The following VAV3 variants were observed in gnomAD, a reference collection of about 807,000 sequenced individuals.
VAV3 encodes the protein vav guanine nucleotide exchange factor 3.
VAV3 carries 94 observed loss-of-function variants against 131.2 expected under a neutral mutation model. The observed-to-expected ratio is 0.72, with a 90% CI of 0.61 to 0.85. The LOEUF (loss-of-function observed/expected upper bound fraction) is 0.85, where lower values mean the gene tolerates loss of function less well. Among genes scored for constraint, VAV3 ranks in the 40% least tolerant of loss-of-function variants. VAV3 has a pLI of 0.00. For missense variants in VAV3, 939 were observed against 1,002.7 expected (o/e 0.94, Z 0.86); for synonymous variants, 349 against 342.0 (o/e 1.02, Z -0.22).
intron 1 of VAV3, among the ~76,000 whole-genome samples, chr1:107,935,637 T>C (rs1039233478): frequency 8.5e-5 from 13 of 152,176 alleles, no homozygotes; most frequent in Admixed American, 7.9e-4. Context: ...ATCCGTGACC[T>C]GAATAAGTTC....
intron 2 of VAV3, among the ~76,000 whole-genome samples, chr1:107,786,930 G>A (rs17235955): frequency 0.31 from 46,418 of 151,956 alleles, 7,706 homozygotes; most frequent in Non-Finnish European, 0.37. Flanking sequence ...CCCTTTGAGA[G>A]TATGATGAAA....
Position 107,596,320 on chromosome 1 carries a change from G to C in VAV3, c.2242C>G (p.His748Asp). ...CTGAACCCTTCCTTGAGAGAATGAT[G>C]CTTGTAGTACTCCACAAGTTCCTTT... ...SLMELVEYYKHHSLKEGFRTL... is the reference protein window; with the variant it reads ...SLMELVEYYKDHSLKEGFRTL... Residue 748 changes from histidine to aspartate, a missense_variant, in exon 25 of 27, where the codon CAT becomes GAT. Physicochemically the swap from His to Asp is moderately conservative, Grantham distance 81. Transcript: ENST00000370056. 1 of 1,613,248 alleles carries C rather than the reference G, an allele frequency of 6.2e-7. No homozygotes were observed. The highest frequency in any genetic ancestry group is 8.5e-7 in the Non-Finnish European group (1 of 1,179,408).
intron 1 of VAV3, among the ~76,000 whole-genome samples, chr1:107,913,373 CAG>C (rs1672457685): frequency 6.6e-6 from 1 of 152,160 alleles, no homozygotes; most frequent in Admixed American, 6.5e-5. Context: ...CCATTGTGCC[CAG>C]AGTGTATACA....
At chr1:107,811,320 A>C (rs1392544387) in intron 2 of VAV3, among the ~76,000 whole-genome samples, 1 of 145,236 alleles carries the variant, frequency 6.9e-6, no homozygotes, top group Admixed American at 6.8e-5. Context: ...GAGCTTGACC[A>C]CCAGATCTGC....
At chr1:107,653,295 T>G (rs1410017212) in intron 19 of VAV3, among the ~76,000 whole-genome samples, 1 of 151,798 alleles carries the variant, frequency 6.6e-6, no homozygotes, top group Non-Finnish European at 1.5e-5. Flanking sequence ...TCAACATATC[T>G]ACAGAAAAAT....
At chr1:107,929,676 T>C (rs1438538761) in intron 1 of VAV3, among the ~76,000 whole-genome samples, 1 of 151,950 alleles carries the variant, frequency 6.6e-6, no homozygotes, top group Non-Finnish European at 1.5e-5. Flanking sequence ...AGTTAAAAAG[T>C]GGAGGGACGA....
chr1:107,758,599 C>T (rs867884323), intron 10 of VAV3, among the ~76,000 whole-genome samples: 6 of 152,108 alleles, frequency 3.9e-5, no homozygotes, highest in African/African-American at 1.4e-4. Flanking sequence ...TCATAATGAG[C>T]TTCTGATCGG....
At chr1:107,882,760 A>C (rs1670843698) in intron 1 of VAV3, among the ~76,000 whole-genome samples, 1 of 152,210 alleles carries the variant, frequency 6.6e-6, no homozygotes, top group African/African-American at 2.4e-5. Context: ...AGTGGGTCCC[A>C]ACAGAAGGGG....
At chr1:107,586,146 T>A (rs1650472480) in intron 25 of VAV3, among the ~76,000 whole-genome samples, 1 of 152,004 alleles carries the variant, frequency 6.6e-6, no homozygotes, top group Non-Finnish European at 1.5e-5. Flanking sequence ...ATAGTTTTTT[T>A]TTTTTTTTTT....
Position 107,772,765 on chromosome 1 carries a change from G to A in VAV3, c.525C>T (p.Asp175=). 6.2e-7 allele frequency: 1 copy of A among 1,613,700 alleles called. No homozygotes were observed. Among genetic ancestry groups the A allele is most frequent in the Non-Finnish European group, 8.5e-7 (1 of 1,179,808 alleles). ...GEDEGGEVYE[D]LMKAEEAHQP... ...GATGTGCTTCCTCTGCCTTCATTAA[G>A]TCCTCATAGACTTCTCCACCTTCAT... The change falls in exon 5 of 27, where the codon GAC becomes GAT. Residue 175 remains aspartate (D), a synonymous_variant. Transcript: ENST00000370056.
intron 2 of VAV3, among the ~76,000 whole-genome samples, chr1:107,848,809 G>A (rs904728279): frequency 6.6e-5 from 10 of 152,066 alleles, no homozygotes; most frequent in African/African-American, 9.7e-5. Flanking sequence ...TGATATGATC[G>A]TATATTTAGA....
intron 15 of VAV3, among the ~76,000 whole-genome samples, chr1:107,747,511 T>C (rs992751028): frequency 6.6e-6 from 1 of 152,214 alleles, no homozygotes; most frequent in Non-Finnish European, 1.5e-5. Flanking sequence ...GAATATGTTA[T>C]GTAGTTTTAT....
chr1:107,870,171 C>G (rs955380304), intron 2 of VAV3, among the ~76,000 whole-genome samples: 3 of 152,096 alleles, frequency 2.0e-5, no homozygotes, highest in Non-Finnish European at 4.4e-5. Flanking sequence ...ACTGCTGGAT[C>G]AAATGGTAGT....
At chr1:107,936,936 C>G (rs1256767225) in intron 1 of VAV3, among the ~76,000 whole-genome samples, 1 of 152,094 alleles carries the variant, frequency 6.6e-6, no homozygotes, top group Non-Finnish European at 1.5e-5. Context: ...TGAGAGGGCA[C>G]CCCTTTTACT....
intron 15 of VAV3, among the ~76,000 whole-genome samples, chr1:107,730,898 T>C (rs1460883922): frequency 6.6e-6 from 1 of 152,172 alleles, no homozygotes; most frequent in Non-Finnish European, 1.5e-5. Flanking sequence ...AAGCCCCAGA[T>C]TGAGATGCAA....
intron 15 of VAV3, among the ~76,000 whole-genome samples, chr1:107,735,177 G>A (rs986591496): frequency 7.9e-5 from 12 of 152,102 alleles, no homozygotes; most frequent in East Asian, 1.9e-4. Flanking sequence ...AAGACACAAC[G>A]TACCAGAATC....
intron 1 of VAV3, among the ~76,000 whole-genome samples, chr1:107,958,419 TAAC>T (rs943332210): frequency 3.3e-5 from 5 of 152,088 alleles, no homozygotes; most frequent in Non-Finnish European, 5.9e-5. Context: ...TTTAAAATAA[TAAC>T]AGCAGCATCA....
intron 15 of VAV3, among the ~76,000 whole-genome samples, chr1:107,738,136 A>G (rs541591805): frequency 6.6e-6 from 1 of 152,308 alleles, no homozygotes; most frequent in South Asian, 2.1e-4. Context: ...GTTCTCACTC[A>G]TAGGTGGGAA....
chr1:107,760,959 T>C (rs926035964), intron 9 of VAV3, 80 bp from the exon 10 acceptor site: 107 of 891,640 alleles, frequency 1.2e-4, no homozygotes, highest in Non-Finnish European at 1.9e-4. Context: ...GAACAGTTAT[T>C]ATACAATAAA....
Sources: allele counts gnomAD v4.1 joint callset (sites outside exome capture counted in the v4.1 genomes callset), GRCh38; gene constraint gnomAD v4.1.1; transcripts MANE v1.5; gene names NCBI Gene and HGNC (gene_info 2026-07-23, HGNC 2026-07-21).